The following HSP90AA1 variants were observed in gnomAD, a reference collection of about 807,000 sequenced individuals.
The protein encoded by HSP90AA1 is heat shock protein HSP 90-alpha.
Under a neutral mutation model 73.3 loss-of-function variants are expected in HSP90AA1, and 18 were observed. That is an observed-to-expected ratio of 0.25 (90% CI 0.17 to 0.36). The LOEUF (loss-of-function observed/expected upper bound fraction) is 0.36, where lower values mean the gene tolerates loss of function less well. Among genes scored for constraint, HSP90AA1 ranks in the 10% least tolerant of loss-of-function variants. The pLI is 1.00. For missense variants in HSP90AA1, 704 were observed against 874.2 expected, an observed-to-expected ratio of 0.81 and a Z score of 2.45; for synonymous variants, 477 against 296.9, an observed-to-expected ratio of 1.61 and a Z score of -6.24.
At chr14:102,095,300 A>C (rs1566725877) in intron 2 of HSP90AA1, among the ~76,000 whole-genome samples, 1 of 152,088 alleles carries the variant, frequency 6.6e-6, no homozygotes, top group African/African-American at 2.4e-5. Flanking sequence ...TGTGCCTGTG[A>C]GAGGGTCCAG....
rs543293997 is a variant in HSP90AA1 at position 102,093,744 on chromosome 14, G to A, written c.367-7366C>T. On this transcript the variant is annotated intron_variant, in intron 2 of 11. Transcript: ENST00000334701. ...TCCCAGCATTTTGGGAGGCCGAGGC[G>A]AGTGGATCACCTGAGGTCAGGAGTT... Among the ~76,000 whole-genome samples the A allele has an allele frequency of 4.6e-5, 7 of 152,234 alleles. No homozygotes were observed. The East Asian group carries it at 5.8e-4, about 13-fold the overall frequency.
chr14:102,084,211 T>C (rs1184847467), intron 6 of HSP90AA1, 188 bp downstream of exon 6: 5 of 677,830 alleles, frequency 7.4e-6, no homozygotes, highest in Middle Eastern at 3.1e-4. Flanking sequence ...TACATGGGGC[T>C]AATTTTTGTA....
At chr14:102,128,951 T>G (rs1206976726) in intron 1 of HSP90AA1, among the ~76,000 whole-genome samples, 1 of 152,178 alleles carries the variant, frequency 6.6e-6, no homozygotes, top group Admixed American at 6.6e-5. Flanking sequence ...CAAGTTTTCT[T>G]GGTTCTCAGA....
Position 102,081,448 on chromosome 14 carries a change from A to G in HSP90AA1, c.*264T>C, listed in dbSNP as rs2152609285. On this transcript the variant is annotated 3_prime_UTR_variant, in exon 11 of 11. Coordinates refer to ENST00000216281, the MANE Select transcript of HSP90AA1 (RefSeq NM_005348.4). ...CACTTTAGACCACAAAGTTAACATC[A>G]TGTTACATACGTCTTACAGTGCACG... 7.4e-6 allele frequency: 4 copies of G among 541,918 alleles called. No homozygotes were observed. In the South Asian group the frequency reaches 8.5e-5, roughly 12 times the overall value. The allele number at this position is 541,918 out of a possible 1,614,324, so 33.6% of individuals were successfully genotyped here.
intron 8 of HSP90AA1, 77 bp downstream of exon 8, chr14:102,083,469 C>G: frequency 6.8e-7 from 1 of 1,471,118 alleles, no homozygotes; most frequent in Non-Finnish European, 9.5e-7. Context: ...ACAGTGCTAC[C>G]TGAGTAGAAA....
chr14:102,112,540 G>A (rs1352993437), intron 1 of HSP90AA1, among the ~76,000 whole-genome samples: 1 of 151,964 alleles, frequency 6.6e-6, no homozygotes, highest in Non-Finnish European at 1.5e-5. Flanking sequence ...GTGCAGTGGT[G>A]TGATCATAGT....
At chr14:102,085,556 A>C in intron 3 of HSP90AA1, 125 bp from the exon 4 acceptor site, 1 of 1,200,328 alleles carries the variant, frequency 8.3e-7, no homozygotes, top group Non-Finnish European at 1.2e-6. Context: ...AGGCCACCAC[A>C]GCAGAACCTT....
intron 1 of HSP90AA1, among the ~76,000 whole-genome samples, chr14:102,129,615 G>A (rs1235223112): frequency 2.0e-5 from 3 of 150,462 alleles, no homozygotes; most frequent in Non-Finnish European, 2.9e-5. Context: ...CAATTCTCCT[G>A]CCTCAGCCTC....
Position 102,128,667 on chromosome 14 carries a change from T to C in HSP90AA1, c.155+10583A>G, listed in dbSNP as rs577734016. ...AAAAAAAAAAATTAGCCGGGTGTGA[T>C]GGTGCATGCCTGTAGTACCAGCTAC... is the stretch of plus-strand genomic sequence containing the variant. On this transcript the variant is annotated intron_variant, in intron 1 of 11. Coordinates refer to the HSP90AA1 transcript ENST00000334701. 7.4e-4 allele frequency among the ~76,000 whole-genome samples: 109 copies of C among 147,202 alleles called. 1 individual carries two copies. Among genetic ancestry groups the C allele is most frequent in the African/African-American group, 2.6e-3 (105 of 40,042 alleles).
At chr14:102,103,690 G>C (rs544383078) in intron 1 of HSP90AA1, among the ~76,000 whole-genome samples, 1 of 152,040 alleles carries the variant, frequency 6.6e-6, no homozygotes, top group South Asian at 2.1e-4. Flanking sequence ...TGTAATCCCA[G>C]ATACTTGGGA....
chr14:102,080,768 A>G lies in HSP90AA1; in HGVS notation c.*944T>C, dbSNP rs1059629. On this transcript the variant is annotated 3_prime_UTR_variant, in exon 11 of 11. Coordinates refer to ENST00000216281, the MANE Select transcript of HSP90AA1 (RefSeq NM_005348.4). Reference sequence around the variant, plus strand: ...CCAAGGAATTAAGTGACTGTATTTAACACAGAAGGTATTCCATGAATAACA... The same window carrying G: ...CCAAGGAATTAAGTGACTGTATTTAGCACAGAAGGTATTCCATGAATAACA... 199,013 of 213,864 alleles carry G rather than the reference A, an allele frequency of 0.93. 92,705 individuals are homozygous for G. The highest frequency in any genetic ancestry group is 1 in the East Asian group (14,462 of 14,466). 13.2% of individuals were successfully genotyped at this position (213,864 alleles called of 1,614,324 possible).
intron 1 of HSP90AA1, among the ~76,000 whole-genome samples, chr14:102,111,139 G>C (rs2049636510): frequency 6.6e-6 from 1 of 152,246 alleles, no homozygotes; most frequent in South Asian, 2.1e-4. Flanking sequence ...GCAGAAATTT[G>C]CTTAAGTAAC....
chr14:102,101,725 C>T (rs1456688546), intron 2 of HSP90AA1: 21 of 696,436 alleles, frequency 3.0e-5, no homozygotes, highest in Admixed American at 1.0e-4. Flanking sequence ...CAGTAGATGT[C>T]AATGCAGTGG....
At chr14:102,082,526 A>G (rs773284008) in intron 9 of HSP90AA1, 82 bp from the exon 10 acceptor site, 79 of 1,036,900 alleles carry the variant, frequency 7.6e-5, no homozygotes, top group Non-Finnish European at 1.1e-4. Context: ...GTAGAACCCA[A>G]ATTTCAATAG....
chr14:102,088,687 C>G (rs2049306846), upstream of HSP90AA1, among the ~76,000 whole-genome samples: 1 of 152,216 alleles, frequency 6.6e-6, no homozygotes, highest in African/African-American at 2.4e-5. Flanking sequence ...GGGGAGGAAT[C>G]CGGAAGCAGG....
At position 102,083,018 on chromosome 14, in the gene HSP90AA1, T is replaced by C; in HGVS notation, c.1755+16A>G. 1 of 1,610,998 alleles carries C rather than the reference T, an allele frequency of 6.2e-7. No individual in the cohort carries two copies. The highest frequency in any genetic ancestry group is 8.5e-7 in the Non-Finnish European group (1 of 1,177,178). ...CTTAGAAGTATCAATGATCAGGAAA[T>C]GCTGTATTCACATACCTTTTCAACT... is the stretch of plus-strand genomic sequence containing the variant. On this transcript the variant is annotated intron_variant, in intron 9 of 10. Coordinates refer to ENST00000216281, the MANE Select transcript of HSP90AA1 (RefSeq NM_005348.4).
At chr14:102,091,827 A>G (rs1595664337), upstream of HSP90AA1, among the ~76,000 whole-genome samples, 1 of 152,140 alleles carries the variant, frequency 6.6e-6, no homozygotes, top group East Asian at 2.0e-4. Flanking sequence ...AGGTCTTGCC[A>G]TATTACCCAG....
chr14:102,083,517 T>G (rs897277353), intron 8 of HSP90AA1, 29 bp downstream of exon 8: 1 of 1,607,582 alleles, frequency 6.2e-7, no homozygotes, highest in African/African-American at 1.3e-5. Context: ...AAGAACGACG[T>G]GTATGACTGT....
intron 1 of HSP90AA1, among the ~76,000 whole-genome samples, chr14:102,107,527 G>A (rs933525340): frequency 7.9e-5 from 12 of 152,014 alleles, no homozygotes; most frequent in African/African-American, 2.7e-4. Context: ...GTTTCACCAC[G>A]TTGGCCAGGA....
Sources: gnomAD v4.1 joint callset for allele counts (sites outside exome capture counted in the v4.1 genomes callset) on GRCh38, gnomAD v4.1.1 for gene constraint, MANE v1.5 for transcripts, NCBI Gene and HGNC (gene_info 2026-07-23, HGNC 2026-07-21) for gene names.